HSPBAP1: variants seen among roughly 807,000 people sequenced by gnomAD.
HSPBAP1 encodes HSPB1-associated protein 1.
In HSPBAP1, 27 loss-of-function variants were observed where a neutral mutation model predicts 45.2. The ratio of observed to expected loss-of-function variants is 0.60; its 90% CI spans 0.44 to 0.82. The LOEUF (loss-of-function observed/expected upper bound fraction) is 0.82. Ranked by LOEUF, HSPBAP1 falls within the 40% of genes least tolerant of loss-of-function variation. HSPBAP1 has a pLI of 0.00. For synonymous variants in HSPBAP1, 204 were observed against 202.7 expected (o/e 1.01, Z -0.06); for missense variants, 510 against 590.9 (o/e 0.86, Z 1.42).
chr3:122,775,096 A>G lies in HSPBAP1; in HGVS notation c.250+2625T>C, dbSNP rs376420784. On this transcript the variant is annotated intron_variant, in intron 2 of 7. Coordinates refer to ENST00000306103, the MANE Select transcript of HSPBAP1 (RefSeq NM_024610.6). ...GCCATTGAAAAATCATACAATCTCAAGAGAAGCTGCTCAGAGTAAAAGAAA... is the reference window on the plus strand; with the variant it reads ...GCCATTGAAAAATCATACAATCTCAGGAGAAGCTGCTCAGAGTAAAAGAAA... Among the ~76,000 whole-genome samples, 23 of 152,216 alleles carry G rather than the reference A, an allele frequency of 1.5e-4. No individual in the cohort carries two copies. The East Asian group carries it at 3.1e-3, about 20-fold the overall frequency.
chr3:122,790,510 C>T (rs1935791750), intron 1 of HSPBAP1, among the ~76,000 whole-genome samples: 1 of 152,208 alleles, frequency 6.6e-6, no homozygotes, highest in Admixed American at 6.5e-5. Flanking sequence ...CAGCTAATTA[C>T]ATCTGACCTT....
At chr3:122,781,836 A>G (rs1048363215) in intron 1 of HSPBAP1, among the ~76,000 whole-genome samples, 3 of 152,166 alleles carry the variant, frequency 2.0e-5, no homozygotes, top group African/African-American at 7.2e-5. Context: ...TGGCATATAT[A>G]TATACACACC....
intron 2 of HSPBAP1, among the ~76,000 whole-genome samples, chr3:122,772,488 A>G (rs1935037060): frequency 6.6e-6 from 1 of 152,178 alleles, no homozygotes; most frequent in Non-Finnish European, 1.5e-5. Context: ...AATATACAAG[A>G]ATATAGTAAA....
At chr3:122,785,338 C>T (rs114317176) in intron 1 of HSPBAP1, among the ~76,000 whole-genome samples, 88 of 152,330 alleles carry the variant, frequency 5.8e-4, no homozygotes, top group African/African-American at 2.1e-3. Context: ...CATCTATGCA[C>T]TTCCTTGTAA....
intron 3 of HSPBAP1, chr3:122,761,590 G>A (rs1934583410): frequency 6.6e-6 from 1 of 151,376 alleles, no homozygotes; most frequent in Admixed American, 6.6e-5. Context: ...GGCAATGTTT[G>A]GTGAGGCTCT....
At chr3:122,767,862 G>T (rs114518341) in intron 3 of HSPBAP1, among the ~76,000 whole-genome samples, 2,563 of 152,128 alleles carry the variant, frequency 0.017, 71 homozygotes, top group African/African-American at 0.058. Context: ...AGAGGAGAAG[G>T]GGTGAACAGC....
At chr3:122,782,926 G>A (rs1935536492) in intron 1 of HSPBAP1, among the ~76,000 whole-genome samples, 1 of 152,196 alleles carries the variant, frequency 6.6e-6, no homozygotes. Flanking sequence ...CTCAGACAAG[G>A]ACAAAAACTT....
At position 122,755,290 on chromosome 3, in the gene HSPBAP1, T is replaced by C. The variant is rs766085633; in HGVS notation, c.711A>G (p.Gln237=). ...CTGGGCTCAGTGTAACCGCATGTCTTTGAGCTTTCCGGAACTGAGGAAAAC... is the reference window on the plus strand; with the variant it reads ...CTGGGCTCAGTGTAACCGCATGTCTCTGAGCTTTCCGGAACTGAGGAAAAC... ...LKRFPQFRKA[Q]RHAVTLSPGQ... Residue 237 remains glutamine, a synonymous_variant, in exon 5 of 8, where the codon CAA becomes CAG. Coordinates refer to ENST00000306103, the MANE Select transcript of HSPBAP1 (RefSeq NM_024610.6). 3.1e-6 allele frequency: 5 copies of C among 1,598,350 alleles called. No individual in the cohort carries two copies. The African/African-American group carries it at 6.8e-5, about 22-fold the overall frequency.
At chr3:122,755,862 AAT>A (rs978137904) in intron 4 of HSPBAP1, among the ~76,000 whole-genome samples, 1 of 152,246 alleles carries the variant, frequency 6.6e-6, no homozygotes, top group Non-Finnish European at 1.5e-5. Context: ...CTATCCACCA[AAT>A]AGTTTCCAGA....
rs1485159976 is a variant in HSPBAP1, at chr3:122,755,435, A to AT, written c.570-5dup. ...AGGAAAGAGATGCCATCGTTTCCTAATTAAAAAAAAAAAAAAAAGATACAA... is the reference window on the plus strand; with the variant it reads ...AGGAAAGAGATGCCATCGTTTCCTAATTTAAAAAAAAAAAAAAAAGATACAA... On this transcript the variant is annotated splice_polypyrimidine_tract_variant and splice_region_variant and intron_variant, in intron 4 of 7. Transcript: ENST00000306103. 4 of 1,394,092 alleles carry AT rather than the reference A, an allele frequency of 2.9e-6. No individual in the cohort carries two copies. Among genetic ancestry groups the AT allele is most frequent in the African/African-American group, 3.4e-5 (2 of 59,026 alleles). The allele number at this position is 1,394,092 out of a possible 1,614,324, so 86.4% of individuals were successfully genotyped here. A position where few individuals can be genotyped will look rare whatever the true frequency, so the allele number is the denominator to read the frequency against.
At position 122,781,129 on chromosome 3, in the gene HSPBAP1, C is replaced by T. The variant is rs372961387; in HGVS notation, c.65-3223G>A. ...CAGACGATGGGCGGCCAGGCAGAGA[C>T]GCTCCTCACTTCCCAGACGGGGTGG... On this transcript the variant is annotated intron_variant, in intron 1 of 7. Transcript: ENST00000306103. Among the ~76,000 whole-genome samples the T allele has an allele frequency of 5.3e-5, 8 of 151,086 alleles. No homozygotes were observed. The East Asian group carries it at 9.8e-4, about 18-fold the overall frequency.
At chr3:122,762,042 T>TG (rs1431022008) in intron 3 of HSPBAP1, 1 of 152,082 alleles carries the variant, frequency 6.6e-6, no homozygotes, top group Non-Finnish European at 1.5e-5. Flanking sequence ...CCTCAAGAGT[T>TG]GGAAAAATCT....
At chr3:122,744,508 C>T (rs1933779018) in intron 6 of HSPBAP1, among the ~76,000 whole-genome samples, 1 of 152,182 alleles carries the variant, frequency 6.6e-6, no homozygotes, top group Non-Finnish European at 1.5e-5. Flanking sequence ...TATTTAACTC[C>T]AGTTGTGCAT....
At chr3:122,768,516 T>C (rs888944288) in intron 3 of HSPBAP1, among the ~76,000 whole-genome samples, 185 bp downstream of exon 3, 2 of 152,190 alleles carry the variant, frequency 1.3e-5, no homozygotes, top group African/African-American at 4.8e-5. Context: ...AGCCTGCTCA[T>C]CTGTGTGAGC....
At chr3:122,783,427 C>A (rs947841991) in intron 1 of HSPBAP1, among the ~76,000 whole-genome samples, 2 of 152,144 alleles carry the variant, frequency 1.3e-5, no homozygotes, top group East Asian at 1.9e-4. Context: ...TTTTATTATA[C>A]GTTTTTAAAG....
chr3:122,766,857 T>C (rs1934799108), intron 3 of HSPBAP1, among the ~76,000 whole-genome samples: 1 of 152,234 alleles, frequency 6.6e-6, no homozygotes, highest in South Asian at 2.1e-4. Flanking sequence ...TATTAAATCA[T>C]AGAGTTACTT....
intron 5 of HSPBAP1, 133 bp from the exon 6 acceptor site, chr3:122,752,807 T>G: frequency 7.2e-7 from 1 of 1,393,430 alleles, no homozygotes; most frequent in Non-Finnish European, 9.4e-7. Context: ...TGGAGAAAAG[T>G]AAAGTAAGAA....
At chr3:122,777,943 C>T in intron 1 of HSPBAP1, 37 bp from the exon 2 acceptor site, 1 of 1,451,612 alleles carries the variant, frequency 6.9e-7, no homozygotes, top group Non-Finnish European at 9.5e-7. Context: ...AGATAGAAAA[C>T]TATCAAGTTT....
At chr3:122,778,203 G>A (rs1304435164) in intron 1 of HSPBAP1, among the ~76,000 whole-genome samples, 2 of 107,926 alleles carry the variant, frequency 1.9e-5, no homozygotes, top group Admixed American at 1.0e-4. Context: ...TACTCAACAG[G>A]TAGTTTTTTT....
Sources: allele counts gnomAD v4.1 joint callset (sites outside exome capture counted in the v4.1 genomes callset), GRCh38; gene constraint gnomAD v4.1.1; transcripts MANE v1.5; gene names NCBI Gene and HGNC (gene_info 2026-07-23, HGNC 2026-07-21).